The following TBL1XR1 variants were observed in gnomAD, a reference collection of about 807,000 sequenced individuals.
TBL1XR1 encodes the protein F-box-like/WD repeat-containing protein TBL1XR1.
In TBL1XR1, 5 loss-of-function variants were observed where a neutral mutation model predicts 66.9. The ratio of observed to expected loss-of-function variants is 0.07; its 90% CI spans 0.04 to 0.16. The LOEUF is 0.16. Ranked by LOEUF, TBL1XR1 falls within the 10% of genes least tolerant of loss-of-function variation. The pLI, the probability that TBL1XR1 is intolerant of heterozygous loss-of-function variation, is 1.00. For synonymous variants in TBL1XR1, 210 were observed against 206.0 expected (o/e 1.02, Z -0.17); for missense variants, 238 against 623.2 (o/e 0.38, Z 6.58).
At chr3:177,113,120 G>C (rs1168775739) in intron 1 of TBL1XR1, among the ~76,000 whole-genome samples, 2 of 152,130 alleles carry the variant, frequency 1.3e-5, no homozygotes, top group Non-Finnish European at 2.9e-5. Flanking sequence ...GGAGAGAACA[G>C]TGTCTTCAAT....
At chr3:177,072,401 CCTTAGTATT>C (rs1372988226) in intron 2 of TBL1XR1, among the ~76,000 whole-genome samples, 2 of 151,580 alleles carry the variant, frequency 1.3e-5, no homozygotes, top group Non-Finnish European at 2.9e-5. Context: ...ACTGCTCACA[CCTTAGTATT>C]ACGAATCAAG....
intron 14 of TBL1XR1, among the ~76,000 whole-genome samples, chr3:177,029,617 T>C (rs540106798): frequency 6.6e-6 from 1 of 152,094 alleles, no homozygotes; most frequent in East Asian, 1.9e-4. Flanking sequence ...TGAGACTCTA[T>C]CTCAAGACAA....
At chr3:177,150,096 CAA>C (rs780919865) in intron 1 of TBL1XR1, among the ~76,000 whole-genome samples, 20 of 152,086 alleles carry the variant, frequency 1.3e-4, no homozygotes, top group African/African-American at 4.1e-4. Flanking sequence ...TGATTCCAAA[CAA>C]GAGTATCAAA....
intron 10 of TBL1XR1, among the ~76,000 whole-genome samples, chr3:177,042,951 CA>C (rs1187733989): frequency 6.6e-6 from 1 of 151,774 alleles, no homozygotes; most frequent in African/African-American, 2.4e-5. Context: ...ATTCACATAC[CA>C]ATTCACCTGT....
chr3:177,033,129 AGGATGCACTG>A lies in TBL1XR1; in HGVS notation c.1251-3_1257del. ...TCCCATAACCTAACAGTAGAATCAA[AGGATGCACTG>A]AAAAAGGAAGGAAAGAAAGTTAATT... is the stretch of plus-strand genomic sequence containing the variant. On this transcript the variant is annotated splice_acceptor_variant and splice_polypyrimidine_tract_variant and coding_sequence_variant and intron_variant, in exon 14 of 16. Transcript: ENST00000457928. LOFTEE classifies it high-confidence loss of function. 2.0e-6 allele frequency: 3 copies of A among 1,534,168 alleles called. No individual in the cohort carries two copies. Among genetic ancestry groups the A allele is most frequent in the Admixed American group, 2.0e-5 (1 of 50,572 alleles).
intron 10 of TBL1XR1, 33 bp from the exon 11 acceptor site, chr3:177,038,467 T>C (rs1358060367): frequency 1.4e-6 from 2 of 1,473,368 alleles, no homozygotes; most frequent in Non-Finnish European, 1.8e-6. Context: ...TTTGCTTTTA[T>C]TCCACATGTA....
intron 1 of TBL1XR1, among the ~76,000 whole-genome samples, chr3:177,170,289 C>T (rs9879206): frequency 0.027 from 4,068 of 152,166 alleles, 167 homozygotes; most frequent in African/African-American, 0.092. Context: ...CCACACCAAC[C>T]GTCCCACACA....
intron 1 of TBL1XR1, among the ~76,000 whole-genome samples, chr3:177,118,123 G>A (rs183694158): frequency 3.7e-4 from 57 of 152,260 alleles, no homozygotes; most frequent in Non-Finnish European, 6.8e-4. Flanking sequence ...CATATTAGTA[G>A]AAAGCTCAAG....
chr3:177,091,893 T>C (rs934922724), intron 2 of TBL1XR1, among the ~76,000 whole-genome samples: 1 of 152,132 alleles, frequency 6.6e-6, no homozygotes, highest in Non-Finnish European at 1.5e-5. Context: ...ATGTTACACA[T>C]AATAAAAGCT....
chr3:177,120,985 A>G (rs1726917763), intron 1 of TBL1XR1, among the ~76,000 whole-genome samples: 1 of 152,224 alleles, frequency 6.6e-6, no homozygotes, highest in African/African-American at 2.4e-5. Flanking sequence ...AAGAGCTGAG[A>G]TTTAAAGCTG....
intron 1 of TBL1XR1, among the ~76,000 whole-genome samples, chr3:177,192,398 C>CAAAAAAAAA (rs759331999): frequency 2.4e-5 from 2 of 83,510 alleles, no homozygotes; most frequent in East Asian, 5.3e-4. Context: ...GACTTTATCT[C>CAAAAAAAAA]AAAAAAAAAA....
chr3:177,105,157 A>G (rs925581612), intron 1 of TBL1XR1, among the ~76,000 whole-genome samples: 1 of 152,182 alleles, frequency 6.6e-6, no homozygotes, highest in Non-Finnish European at 1.5e-5. Context: ...ATTTTAAGTT[A>G]TTTTTTCTTT....
At chr3:177,192,664 C>G (rs980992854) in intron 1 of TBL1XR1, among the ~76,000 whole-genome samples, 6 of 152,102 alleles carry the variant, frequency 3.9e-5, no homozygotes, top group Non-Finnish European at 7.3e-5. Flanking sequence ...TGACATTATG[C>G]CCCTACTAAA....
chr3:177,095,036 TA>T (rs35923546), intron 2 of TBL1XR1, among the ~76,000 whole-genome samples: 7 of 148,462 alleles, frequency 4.7e-5, no homozygotes, highest in Admixed American at 2.0e-4. Context: ...CATTCTGCCT[TA>T]AAAAAAAAAC....
chr3:177,088,149 A>C (rs962052455), intron 2 of TBL1XR1, among the ~76,000 whole-genome samples: 4 of 152,190 alleles, frequency 2.6e-5, no homozygotes, highest in Non-Finnish European at 1.5e-5. Flanking sequence ...TAAAATGAAA[A>C]TAGTAATTCA....
Position 177,047,339 on chromosome 3 carries a change from A to T in TBL1XR1, c.825T>A (p.Asn275Lys). ...HKGPIFALKW[N>K]KKGNFILSAG... Reference sequence around the variant, plus strand: ...CACTTAGGATGAAATTTCCTTTCTTATTCCATTTTAATGCAAATATAGGGC... The same window carrying T: ...CACTTAGGATGAAATTTCCTTTCTTTTTCCATTTTAATGCAAATATAGGGC... Residue 275 changes from asparagine (N) to lysine (K), a missense_variant, in exon 9 of 16, where the codon AAT (asparagine) becomes AAA (lysine). Around this residue, in one of 8 missense-constraint regions of TBL1XR1, gnomAD observed 89 missense variants for 220.2 expected, o/e 0.40. Coordinates refer to ENST00000457928, the MANE Select transcript of TBL1XR1 (RefSeq NM_024665.7). The T allele has an allele frequency of 6.4e-7, 1 of 1,568,572 alleles. No homozygotes were observed. The highest frequency in any genetic ancestry group is 1.2e-5 in the South Asian group (1 of 86,108).
intron 1 of TBL1XR1, among the ~76,000 whole-genome samples, chr3:177,140,012 C>G (rs1729454773): frequency 1.3e-5 from 2 of 152,132 alleles, no homozygotes; most frequent in South Asian, 2.1e-4. Flanking sequence ...AAGAAAAATA[C>G]CTTGAAACAG....
At chr3:177,063,872 A>G (rs1718821217) in intron 3 of TBL1XR1, among the ~76,000 whole-genome samples, 2 of 152,200 alleles carry the variant, frequency 1.3e-5, no homozygotes, top group Admixed American at 1.3e-4. Flanking sequence ...GCTTGGGAAT[A>G]GAAAACCCCT....
intron 3 of TBL1XR1, among the ~76,000 whole-genome samples, chr3:177,062,998 G>A (rs1718711563): frequency 6.6e-6 from 1 of 151,860 alleles, no homozygotes; most frequent in Admixed American, 6.6e-5. Context: ...GCCAGGCATG[G>A]TGGTGCATGC....
Sources: gnomAD v4.1 joint callset for allele counts (sites outside exome capture counted in the v4.1 genomes callset) on GRCh38, gnomAD v4.1.1 for gene constraint, gnomAD v4.1.1 regional missense constraint, MANE v1.5 for transcripts, NCBI Gene and HGNC (gene_info 2026-07-23, HGNC 2026-07-21) for gene names.